Variants in TBCD observed in about 807,000 individuals in gnomAD.
TBCD encodes the protein tubulin folding cofactor D, also known as tubulin-specific chaperone D.
Under a neutral mutation model 169.3 loss-of-function variants are expected in TBCD, and 105 were observed. The observed-to-expected ratio is 0.62, with a 90% confidence interval of 0.53 to 0.73. The LOEUF (loss-of-function observed/expected upper bound fraction) is 0.73, where lower values mean the gene tolerates loss of function less well. Among genes scored for constraint, TBCD ranks in the 30% least tolerant of loss-of-function variants. The probability of loss-of-function intolerance (pLI) is 0.00; values close to 1 mark genes in which losing one functional copy is unlikely to be tolerated. For missense variants in TBCD, 1,444 were observed against 1,600.1 expected, an observed-to-expected ratio of 0.90 and a Z score of 1.66; for synonymous variants, 700 against 643.9, an observed-to-expected ratio of 1.09 and a Z score of -1.32.
At chr17:82,934,354 T>C (rs1019034710) in intron 34 of TBCD, among the ~76,000 whole-genome samples, 1 of 143,926 alleles carries the variant, frequency 6.9e-6, no homozygotes, top group Non-Finnish European at 1.5e-5. Context: ...CCTTTTAATT[T>C]CTTAATGGGG....
chr17:82,764,713 T>G (rs1436480828), intron 3 of TBCD, among the ~76,000 whole-genome samples: 1 of 152,270 alleles, frequency 6.6e-6, no homozygotes, highest in African/African-American at 2.4e-5. Context: ...CTATAGATTT[T>G]GAGCAAGTAG....
chr17:82,823,530 C>T (rs2052581081), intron 13 of TBCD, among the ~76,000 whole-genome samples: 1 of 151,878 alleles, frequency 6.6e-6, no homozygotes, highest in Non-Finnish European at 1.5e-5. Flanking sequence ...CCGCCCTGCT[C>T]TCCCTCCCTC....
intron 13 of TBCD, among the ~76,000 whole-genome samples, chr17:82,846,221 C>T (rs112600008): frequency 2.6e-4 from 25 of 95,812 alleles, no homozygotes; most frequent in Non-Finnish European, 3.7e-4. Flanking sequence ...TGCCACGTCC[C>T]CTCGTCCAGC....
chr17:82,907,275 G>A (rs780271400), intron 20 of TBCD, among the ~76,000 whole-genome samples: 2 of 152,350 alleles, frequency 1.3e-5, no homozygotes, highest in South Asian at 2.1e-4. Flanking sequence ...ATGAGCTGTC[G>A]TCTCAGCCTC....
At chr17:82,773,935 T>G (rs1307070021) in intron 6 of TBCD, among the ~76,000 whole-genome samples, 1 of 151,958 alleles carries the variant, frequency 6.6e-6, no homozygotes, top group Admixed American at 6.6e-5. Flanking sequence ...TTCACTGTGT[T>G]AGCCAGGATG....
At chr17:82,908,267 A>G (rs1568012771) in intron 21 of TBCD, 1 of 456,302 alleles carries the variant, frequency 2.2e-6, no homozygotes, top group East Asian at 6.9e-5. Flanking sequence ...GGGGGCACAC[A>G]GAACGAGCAC....
At chr17:82,757,750 G>C (rs1043447247) in intron 2 of TBCD, among the ~76,000 whole-genome samples, 1 of 152,168 alleles carries the variant, frequency 6.6e-6, no homozygotes, top group Non-Finnish European at 1.5e-5. Flanking sequence ...GAGGTCCTTG[G>C]GAGAGGGTCA....
chr17:82,858,668 G>A, intron 13 of TBCD: 1 of 985,288 alleles, frequency 1.0e-6, no homozygotes, highest in Admixed American at 6.1e-5. Context: ...TGTGCCTGAG[G>A]TGAGGTTCCT....
intron 21 of TBCD, among the ~76,000 whole-genome samples, chr17:82,908,615 T>G (rs1317106620): frequency 6.6e-6 from 1 of 152,262 alleles, no homozygotes; most frequent in Non-Finnish European, 1.5e-5. Flanking sequence ...CCATTTTGTT[T>G]GCTTACATTT....
chr17:82,910,756 G>C (rs2060581094), intron 22 of TBCD, among the ~76,000 whole-genome samples: 1 of 152,084 alleles, frequency 6.6e-6, no homozygotes, highest in Non-Finnish European at 1.5e-5. Context: ...AGGAGAGACG[G>C]GGTTTCACCA....
At chr17:82,815,066 C>T (rs139321459) in intron 13 of TBCD, 132 bp downstream of exon 13, 226 of 1,416,936 alleles carry the variant, frequency 1.6e-4, no homozygotes, top group Admixed American at 1.8e-4. Context: ...CCAGGCTGTC[C>T]GTGGCAGGCT....
intron 6 of TBCD, 128 bp from the exon 7 acceptor site, chr17:82,781,461 C>A: frequency 8.2e-7 from 1 of 1,214,974 alleles, no homozygotes; most frequent in Non-Finnish European, 1.1e-6. Context: ...CAGTACAGAG[C>A]TGGCATCTTG....
chr17:82,874,774 G>A lies in TBCD; in HGVS notation c.1475+4394G>A, dbSNP rs1238397945. Among the ~76,000 whole-genome samples, 1 of 152,204 alleles carries A rather than the reference G, an allele frequency of 6.6e-6. No individual in the cohort carries two copies. The highest frequency in any genetic ancestry group is 2.4e-5 in the African/African-American group (1 of 41,458). Reference sequence around the variant, plus strand: ...CAGGAGCCCTGCGCACCCGGGTATCGGTTGGGGTGTGCCCTTCCAGATCTC... The same window carrying A: ...CAGGAGCCCTGCGCACCCGGGTATCAGTTGGGGTGTGCCCTTCCAGATCTC... On this transcript the variant is annotated intron_variant, in intron 14 of 38. Coordinates refer to ENST00000355528, the MANE Select transcript of TBCD (RefSeq NM_005993.5). This position sits in a 1 kb window ranked among gnomAD's most constrained non-coding sequence, Gnocchi z 5.0.
At chr17:82,853,969 G>A (rs2056037347) in intron 13 of TBCD, among the ~76,000 whole-genome samples, 1 of 151,876 alleles carries the variant, frequency 6.6e-6, no homozygotes, top group Admixed American at 6.6e-5. Context: ...CTTCTTCCTT[G>A]TTGGTTTGGA....
chr17:82,787,154 TGTGCCACCCCC>T (rs1279950325), intron 7 of TBCD, among the ~76,000 whole-genome samples: 5 of 152,220 alleles, frequency 3.3e-5, no homozygotes, highest in Non-Finnish European at 5.9e-5. Context: ...AGCCGAGCCC[TGTGCCACCCCC>T]CGGCATATGC....
At position 82,889,746 on chromosome 17, in the gene TBCD, A is replaced by G. The variant is rs1478495883; in HGVS notation, c.1563+49A>G. The G allele has an allele frequency of 1.9e-6, 3 of 1,607,702 alleles. No individual in the cohort carries two copies. The highest frequency in any genetic ancestry group is 2.6e-6 in the Non-Finnish European group (3 of 1,176,250). On this transcript the variant is annotated intron_variant, in intron 16 of 38. Coordinates refer to ENST00000355528, the MANE Select transcript of TBCD (RefSeq NM_005993.5). This position sits in a 1 kb window ranked among gnomAD's most constrained non-coding sequence, Gnocchi z 5.3. ...TATTCCAAAAACTTCCTGCGGGTTT[A>G]TAGGTAGGAATCTTGAGAGCTATAA...
In TBCD at chr17:82,938,110, C is replaced by G; in HGVS notation, c.3343C>G (p.Leu1115Val). 1 of 1,612,656 alleles carries G rather than the reference C, an allele frequency of 6.2e-7. No individual in the cohort carries two copies. The highest frequency in any genetic ancestry group is 8.5e-7 in the Non-Finnish European group (1 of 1,179,860). ...VRRQALLQLC[L>V]LLCHRFPLIR... ...GAGGCAGGCCCTCCTGCAGCTGTGT[C>G]TGCTCCTCTGCCACCGTTTCCCGCT... is the stretch of plus-strand genomic sequence containing the variant. The change falls in exon 36 of 39, where the codon CTG (leucine) becomes GTG (valine). Residue 1115 changes from leucine to valine, a missense_variant. Transcript: ENST00000355528.
chr17:82,821,378 C>G (rs1399963738), intron 13 of TBCD, among the ~76,000 whole-genome samples: 2 of 114,256 alleles, frequency 1.8e-5, no homozygotes, highest in Non-Finnish European at 3.8e-5. Flanking sequence ...GTGGCTCACA[C>G]TTGCTTCCCA....
intron 24 of TBCD, 22 bp from the exon 25 acceptor site, chr17:82,921,479 C>T (rs368782185): frequency 9.3e-5 from 150 of 1,609,172 alleles, no homozygotes; most frequent in Non-Finnish European, 1.2e-4. Context: ...TGCCTGGGTA[C>T]GCTAACTTGA....
Sources: allele counts gnomAD v4.1 joint callset (sites outside exome capture counted in the v4.1 genomes callset), GRCh38; gene constraint gnomAD v4.1.1; non-coding constraint Gnocchi (gnomAD v3.1); transcripts MANE v1.5; gene names NCBI Gene and HGNC (gene_info 2026-07-23, HGNC 2026-07-21).